The following EYS variants were observed in gnomAD, a reference collection of about 807,000 sequenced individuals.
EYS encodes the protein EGF-like photoreceptor maintenance factor.
EYS carries 250 observed loss-of-function variants against 282.1 expected under a neutral mutation model. The ratio of observed to expected loss-of-function variants is 0.89; its 90% CI spans 0.80 to 0.98. EYS has a LOEUF of 0.98. Among genes scored for constraint, EYS ranks in the 50% least tolerant of loss-of-function variants. The pLI is 0.00. For missense variants in EYS, 4,016 were observed against 3,709.0 expected (o/e 1.08, Z -2.15); for synonymous variants, 1,355 against 1,282.9 (o/e 1.06, Z -1.20).
intron 31 of EYS, among the ~76,000 whole-genome samples, chr6:64,164,933 C>CT (rs904680302): frequency 1.3e-5 from 2 of 152,024 alleles, no homozygotes; most frequent in South Asian, 4.1e-4. Flanking sequence ...GGATCTTTGA[C>CT]TTTTTTCCCC....
In EYS at chr6:65,425,761, A is replaced by G. The variant is rs115580701; in HGVS notation, c.863-20394T>C. On this transcript the variant is annotated intron_variant, in intron 5 of 42. Transcript: ENST00000503581. ...TGGCGAGGGACCAGTCTTTTAAAGCATTTTCATCTTTGCCAAAGTCTCTTC... is the reference window on the plus strand; with the variant it reads ...TGGCGAGGGACCAGTCTTTTAAAGCGTTTTCATCTTTGCCAAAGTCTCTTC... Among the ~76,000 whole-genome samples, 614 of 152,182 alleles carry G rather than the reference A, an allele frequency of 4.0e-3. 6 individuals are homozygous for G. Among genetic ancestry groups the G allele is most frequent in the African/African-American group, 0.014 (586 of 41,540 alleles).
At chr6:64,453,293 A>G (rs562480396) in intron 26 of EYS, among the ~76,000 whole-genome samples, 1 of 152,230 alleles carries the variant, frequency 6.6e-6, no homozygotes, top group Admixed American at 6.5e-5. Flanking sequence ...AATGCAAATC[A>G]AAACCACAAT....
intron 33 of EYS, among the ~76,000 whole-genome samples, chr6:64,002,586 G>C (rs1170313797): frequency 6.6e-6 from 1 of 152,198 alleles, no homozygotes; most frequent in Non-Finnish European, 1.5e-5. Context: ...CTGCCCATCT[G>C]CATGCTACTT....
intron 35 of EYS, among the ~76,000 whole-genome samples, chr6:63,952,616 C>T (rs1042431494): frequency 1.3e-5 from 2 of 152,146 alleles, no homozygotes; most frequent in Admixed American, 1.3e-4. Flanking sequence ...TTAGTTATCC[C>T]CACCTGCCCA....
At chr6:64,231,851 T>C (rs969576596) in intron 30 of EYS, among the ~76,000 whole-genome samples, 3 of 152,146 alleles carry the variant, frequency 2.0e-5, no homozygotes, top group Non-Finnish European at 4.4e-5. Context: ...AGAATTTCAC[T>C]TAATATAATA....
At chr6:64,993,497 G>A (rs1369809697) in intron 14 of EYS, among the ~76,000 whole-genome samples, 1 of 145,520 alleles carries the variant, frequency 6.9e-6, no homozygotes, top group Non-Finnish European at 1.5e-5. Flanking sequence ...AAACCTGCAT[G>A]TTCTCACTCA....
At chr6:64,293,118 G>A (rs1222429868) in intron 30 of EYS, among the ~76,000 whole-genome samples, 2 of 151,998 alleles carry the variant, frequency 1.3e-5, no homozygotes, top group African/African-American at 2.4e-5. Flanking sequence ...TTGTGAAATG[G>A]GAAGGACAGA....
chr6:65,274,059 C>T (rs1767975880), intron 12 of EYS, among the ~76,000 whole-genome samples: 1 of 152,132 alleles, frequency 6.6e-6, no homozygotes, highest in East Asian at 1.9e-4. Context: ...AGGTTCAAAT[C>T]ACAAGGGGCC....
At chr6:63,773,839 T>G (rs1474121941) in intron 40 of EYS, among the ~76,000 whole-genome samples, 2 of 152,308 alleles carry the variant, frequency 1.3e-5, no homozygotes, top group East Asian at 3.9e-4. Flanking sequence ...AGAGAATCTA[T>G]TATTGGGTTC....
intron 26 of EYS, among the ~76,000 whole-genome samples, chr6:64,558,530 G>C (rs988702829): frequency 6.6e-6 from 1 of 152,002 alleles, no homozygotes; most frequent in African/African-American, 2.4e-5. Flanking sequence ...GCAAAGTAAA[G>C]CAGAACAGAA....
At chr6:64,959,127 G>A (rs112132301) in intron 14 of EYS, among the ~76,000 whole-genome samples, 295 of 152,250 alleles carry the variant, frequency 1.9e-3, no homozygotes, top group African/African-American at 6.3e-3. Context: ...CCATGTAAGC[G>A]GCAGGTGAGA....
chr6:64,634,068 C>G (rs1174143785), intron 22 of EYS, among the ~76,000 whole-genome samples: 2 of 152,190 alleles, frequency 1.3e-5, no homozygotes, highest in East Asian at 1.9e-4. Flanking sequence ...ACTTCAACCT[C>G]CGCCTCCCGA....
At chr6:65,301,739 C>G (rs1345536151) in intron 11 of EYS, among the ~76,000 whole-genome samples, 1 of 152,362 alleles carries the variant, frequency 6.6e-6, no homozygotes, top group East Asian at 1.9e-4. Flanking sequence ...CTTCCGTACT[C>G]CTTGTAGGAT....
Position 64,197,270 on chromosome 6 carries a change from T to TTG in EYS, c.6424+33320_6424+33321dup, listed in dbSNP as rs532170269. 3.7e-3 allele frequency among the ~76,000 whole-genome samples: 557 copies of TTG among 151,952 alleles called. 1 individual carries two copies. The highest frequency in any genetic ancestry group is 0.02 in the Middle Eastern group (6 of 294). ...GAGAGGCGATTTTCTTAGCTAGTGT[T>TTG]TGTGTGTGTGTGTGCATTGAAATTT... is the stretch of plus-strand genomic sequence containing the variant. On this transcript the variant is annotated intron_variant, in intron 31 of 42. Transcript: ENST00000503581.
chr6:64,418,654 G>C (rs538600701), intron 28 of EYS, among the ~76,000 whole-genome samples: 2 of 152,118 alleles, frequency 1.3e-5, no homozygotes, highest in Non-Finnish European at 2.9e-5. Context: ...ATGGGGACTA[G>C]AAATGTAAAT....
chr6:63,849,022 G>A (rs1421208124), intron 36 of EYS, among the ~76,000 whole-genome samples: 1 of 152,174 alleles, frequency 6.6e-6, no homozygotes, highest in Non-Finnish European at 1.5e-5. Flanking sequence ...CACCATTACT[G>A]AAGCTTGAGT....
chr6:65,164,161 T>C (rs1285577355), intron 12 of EYS, among the ~76,000 whole-genome samples: 1 of 151,452 alleles, frequency 6.6e-6, no homozygotes, highest in African/African-American at 2.4e-5. Flanking sequence ...TTTATACATT[T>C]GTAAACTGCA....
At chr6:64,094,905 C>G (rs945136784) in intron 31 of EYS, among the ~76,000 whole-genome samples, 5 of 151,916 alleles carry the variant, frequency 3.3e-5, no homozygotes, top group African/African-American at 1.2e-4. Context: ...CTATAAATTT[C>G]CCTCTACACA....
chr6:63,952,788 C>G (rs1373261757), intron 35 of EYS, among the ~76,000 whole-genome samples: 1 of 152,264 alleles, frequency 6.6e-6, no homozygotes, highest in Admixed American at 6.5e-5. Flanking sequence ...TGGGACACCT[C>G]TACTCCTCCT....
Sources: gnomAD v4.1 joint callset for allele counts (sites outside exome capture counted in the v4.1 genomes callset) on GRCh38, gnomAD v4.1.1 for gene constraint, MANE v1.5 for transcripts, NCBI Gene and HGNC (gene_info 2026-07-23, HGNC 2026-07-21) for gene names.